The following TENM1 variants were observed in gnomAD, a reference collection of about 807,000 sequenced individuals.
TENM1 encodes teneurin transmembrane protein 1.
TENM1 carries 35 observed loss-of-function variants against 174.8 expected under a neutral mutation model. That is an observed-to-expected ratio of 0.20 (90% CI 0.15 to 0.27). The LOEUF is 0.27. Among genes scored for constraint, TENM1 ranks in the 10% least tolerant of loss-of-function variants. TENM1 has a pLI of 1.00. For synonymous variants in TENM1, 781 were observed against 798.7 expected, an observed-to-expected ratio of 0.98 and a Z score of 0.37; for missense variants, 1,633 against 2,130.1, an observed-to-expected ratio of 0.77 and a Z score of 4.59.
the TENM1 span, among the ~76,000 whole-genome samples, chrX:125,171,447 G>C: frequency 9.0e-6 from 1 of 110,670 alleles, no homozygotes; most frequent in Non-Finnish European, 1.9e-5. Flanking sequence ...CTGAATGTTT[G>C]TGTCCCCTGC....
chrX:124,976,158 A>G, the TENM1 span, among the ~76,000 whole-genome samples: 1 of 111,611 alleles, frequency 9.0e-6, no homozygotes, highest in Non-Finnish European at 1.9e-5. Context: ...ATTATAACTA[A>G]TCATTATTTT....
intron 3 of TENM1, among the ~76,000 whole-genome samples, chrX:124,781,479 CTACTT>C (rs1201091276): frequency 1.8e-5 from 2 of 112,068 alleles, no homozygotes; most frequent in East Asian, 2.8e-4. Flanking sequence ...ATAAAATACT[CTACTT>C]TATTTTCCTA....
the TENM1 span, among the ~76,000 whole-genome samples, chrX:125,170,766 A>C: frequency 9.0e-6 from 1 of 110,827 alleles, no homozygotes; most frequent in Admixed American, 9.6e-5. Context: ...CCTTATTACC[A>C]CTCCAATACC....
chrX:124,933,368 G>T (rs985551266), intron 1 of TENM1, among the ~76,000 whole-genome samples: 1 of 112,182 alleles, frequency 8.9e-6, no homozygotes, highest in Non-Finnish European at 1.9e-5. Context: ...TGATTCACCA[G>T]TCAAATAGAA....
At chrX:124,514,280 G>T (rs1260988353) in intron 18 of TENM1, among the ~76,000 whole-genome samples, 1 of 109,749 alleles carries the variant, frequency 9.1e-6, no homozygotes, top group Non-Finnish European at 1.9e-5. Flanking sequence ...AAATTTCTAA[G>T]TGTCACAATT....
At chrX:124,481,635 A>C (rs894065235) in intron 22 of TENM1, 97 bp downstream of exon 25, 4 of 249,749 alleles carry the variant, frequency 1.6e-5, no homozygotes, top group Non-Finnish European at 2.7e-5. Context: ...GGATGGGCTA[A>C]AGTGTGGCAA....
the TENM1 span, among the ~76,000 whole-genome samples, chrX:124,977,268 T>C: frequency 8.9e-6 from 1 of 112,069 alleles, no homozygotes; most frequent in African/African-American, 3.2e-5. Flanking sequence ...TTATGATTAC[T>C]AATACCTTTT....
At chrX:125,150,745 C>T in the TENM1 span, among the ~76,000 whole-genome samples, 1 of 112,273 alleles carries the variant, frequency 8.9e-6, no homozygotes, top group East Asian at 2.8e-4. Flanking sequence ...AAAAGCTGCC[C>T]TTTATTCATA....
the TENM1 span, among the ~76,000 whole-genome samples, chrX:125,066,103 A>G: frequency 2.7e-5 from 3 of 112,037 alleles, no homozygotes; most frequent in African/African-American, 9.7e-5. Context: ...GGACTCAAGT[A>G]ACAGGAATAT....
chrX:124,904,059 G>A lies in TENM1; in HGVS notation c.218-7818C>T, dbSNP rs529926671. 4.7e-5 allele frequency among the ~76,000 whole-genome samples: 5 copies of A among 106,862 alleles called. No individual in the cohort carries two copies. In the Middle Eastern group the frequency reaches 0.014, roughly 297 times the overall value. 92.8% of individuals were successfully genotyped at this position (106,862 alleles called of 115,157 possible). A position where few individuals can be genotyped will look rare whatever the true frequency, so the allele number is the denominator to read the frequency against. ...GTGCAGCTTTTTGGTCAATGGGTGC[G>A]TGTGTGTGTGCGTGTGTGTGTGTGT... On this transcript the variant is annotated intron_variant, in intron 1 of 31. Transcript: ENST00000422452.
rs191692216 is a variant in TENM1 at position 124,403,394 on chromosome X, C to T, written c.5391+1637G>A. 4.0e-3 allele frequency among the ~76,000 whole-genome samples: 439 copies of T among 109,131 alleles called. 4 individuals carry two copies. The highest frequency in any genetic ancestry group is 0.014 in the African/African-American group (414 of 29,897). 94.8% of individuals were successfully genotyped at this position (109,131 alleles called of 115,157 possible). On this transcript the variant is annotated intron_variant, in intron 27 of 31. Coordinates refer to ENST00000422452, the Ensembl canonical transcript of TENM1. ...AAGTAGCCGGGTGTGGTGGCGGGCA[C>T]CTGTAGTCCCAGCTACTTGGGAGGC...
the TENM1 span, among the ~76,000 whole-genome samples, chrX:125,014,273 A>G: frequency 1.8e-5 from 2 of 112,565 alleles, no homozygotes. Context: ...ATGAAAACAA[A>G]TGCAAGATAT....
At chrX:124,453,279 T>C in intron 23 of TENM1, 58 bp downstream of exon 26, 3 of 1,091,859 alleles carry the variant, frequency 2.7e-6, no homozygotes, top group Non-Finnish European at 3.7e-6. Context: ...ATGAGAAAAT[T>C]GTTATCCATT....
At chrX:124,522,563 T>TA (rs373627530) in intron 17 of TENM1, among the ~76,000 whole-genome samples, 51 of 105,856 alleles carry the variant, frequency 4.8e-4, no homozygotes, top group Admixed American at 6.0e-4. Context: ...AAAGCTTTTT[T>TA]AAAAAAAAAA....
At chrX:125,048,769 G>A in the TENM1 span, among the ~76,000 whole-genome samples, 1 of 111,006 alleles carries the variant, frequency 9.0e-6, no homozygotes. Flanking sequence ...GCTTTGTATG[G>A]TCTGCTATGG....
At chrX:125,165,517 T>C in the TENM1 span, among the ~76,000 whole-genome samples, 2 of 111,773 alleles carry the variant, frequency 1.8e-5, no homozygotes, top group Non-Finnish European at 3.8e-5. Flanking sequence ...TGTTCCTTGA[T>C]GTGGTGAGAC....
the TENM1 span, among the ~76,000 whole-genome samples, chrX:125,086,384 T>C: frequency 9.6e-4 from 107 of 111,068 alleles, 2 homozygotes; most frequent in African/African-American, 3.3e-3. Context: ...ATGTACTGTA[T>C]CTATAAACCT....
At chrX:125,103,492 T>C in the TENM1 span, among the ~76,000 whole-genome samples, 1 of 111,626 alleles carries the variant, frequency 9.0e-6, no homozygotes, top group African/African-American at 3.3e-5. Context: ...TTTAAGGTTC[T>C]ATTTTATTAA....
intron 22 of TENM1, among the ~76,000 whole-genome samples, chrX:124,476,624 C>G (rs143367747): frequency 0.014 from 1,553 of 111,575 alleles, 13 homozygotes; most frequent in Non-Finnish European, 0.024. Flanking sequence ...TTAATTTCAT[C>G]CTGTCCAGTC....
Sources: allele counts gnomAD v4.1 joint callset (sites outside exome capture counted in the v4.1 genomes callset), GRCh38; gene constraint gnomAD v4.1.1; transcripts MANE v1.5; gene names NCBI Gene and HGNC (gene_info 2026-07-23, HGNC 2026-07-21).